Variants in MANBAL observed in about 807,000 individuals in gnomAD.
MANBAL encodes mannosidase beta like.
A neutral mutation model predicts 6.4 loss-of-function variants in MANBAL; 1 was observed. That is an observed-to-expected ratio of 0.16 (90% confidence interval 0.06 to 0.74). MANBAL has a LOEUF of 0.74. Ranked by LOEUF, MANBAL falls within the 30% of genes least tolerant of loss-of-function variation. The pLI, the probability that MANBAL is intolerant of heterozygous loss-of-function variation, is 0.78. For missense variants in MANBAL, 100 were observed against 107.8 expected (o/e 0.93, Z 0.32); for synonymous variants, 47 against 45.8 (o/e 1.03, Z -0.10).
At chr20:37,305,927 T>C (rs1201023620) in intron 2 of MANBAL, among the ~76,000 whole-genome samples, 1 of 152,146 alleles carries the variant, frequency 6.6e-6, no homozygotes, top group East Asian at 1.9e-4. Context: ...GCTGAGACTG[T>C]GCTGCTTAGA....
At chr20:37,293,742 G>T (rs574355888) in intron 1 of MANBAL, among the ~76,000 whole-genome samples, 1 of 152,126 alleles carries the variant, frequency 6.6e-6, no homozygotes, top group African/African-American at 2.4e-5. Context: ...TTGCTCCCCC[G>T]ATCCCCTGTG....
chr20:37,316,722 A>G lies in MANBAL; in HGVS notation c.*307A>G, dbSNP rs1371969029. 8.3e-6 allele frequency: 2 copies of G among 240,270 alleles called. No homozygotes were observed. Among genetic ancestry groups the G allele is most frequent in the South Asian group, 5.8e-5 (1 of 17,288 alleles). 14.9% of individuals were successfully genotyped at this position (240,270 alleles called of 1,614,324 possible). ...CAGAGTCACATTTTCTTGCTTAGTC[A>G]TGTGTCCCTCCTTGAGTTGCCCCCT... On this transcript the variant is annotated 3_prime_UTR_variant, in exon 3 of 3. Transcript: ENST00000373606.
chr20:37,295,040 G>T (rs1003066300), intron 1 of MANBAL, among the ~76,000 whole-genome samples: 1 of 152,204 alleles, frequency 6.6e-6, no homozygotes, highest in African/African-American at 2.4e-5. Flanking sequence ...ACCTCTACCT[G>T]TAAGCAAGTC....
At chr20:37,296,780 A>C (rs551603337) in intron 1 of MANBAL, 1 of 152,300 alleles carries the variant, frequency 6.6e-6, no homozygotes, top group East Asian at 1.9e-4. Context: ...TTTTTTAAAA[A>C]AAGGCCTAAA....
chr20:37,301,235 G>A lies in MANBAL; in HGVS notation c.-29G>A, dbSNP rs749674918. 1.9e-6 allele frequency: 3 copies of A among 1,557,716 alleles called. No homozygotes were observed. The highest frequency in any genetic ancestry group is 2.6e-6 in the Non-Finnish European group (3 of 1,147,608). On this transcript the variant is annotated 5_prime_UTR_variant, in exon 2 of 3. Coordinates refer to ENST00000373606, the MANE Select transcript of MANBAL (RefSeq NM_001003897.2). Reference sequence around the variant, plus strand: ...GGTTCTAAAGAGTGGTGAGTCAGAAGAGACGTCAGGCAGCAAGCGACTTGG... The same window carrying A: ...GGTTCTAAAGAGTGGTGAGTCAGAAAAGACGTCAGGCAGCAAGCGACTTGG...
intron 1 of MANBAL, among the ~76,000 whole-genome samples, chr20:37,292,705 G>A (rs1381661148): frequency 6.6e-6 from 1 of 152,220 alleles, no homozygotes; most frequent in Non-Finnish European, 1.5e-5. Flanking sequence ...GCCATTGGGA[G>A]CTCTTCCACT....
intron 2 of MANBAL, among the ~76,000 whole-genome samples, chr20:37,315,463 GC>G (rs2146837622): frequency 6.6e-6 from 1 of 152,310 alleles, no homozygotes; most frequent in East Asian, 1.9e-4. Context: ...GCTGGGCCAA[GC>G]TGTGTCCCTT....
intron 2 of MANBAL, among the ~76,000 whole-genome samples, chr20:37,314,852 C>T (rs768007785): frequency 6.6e-6 from 1 of 152,138 alleles, no homozygotes; most frequent in Non-Finnish European, 1.5e-5. Context: ...CTGCATGGGC[C>T]CTCCTCTTCT....
chr20:37,296,805 C>T (rs1020329657), intron 1 of MANBAL: 16 of 152,090 alleles, frequency 1.1e-4, no homozygotes, highest in African/African-American at 3.9e-4. Context: ...TTATAGGTAT[C>T]ATTGTTGCTT....
chr20:37,301,259 G>A lies in MANBAL; in HGVS notation c.-5G>A. ...AGAGACGTCAGGCAGCAAGCGACTT[G>A]GGCCATGGCCTCTGACCTAGACTTC... On this transcript the variant is annotated 5_prime_UTR_variant, in exon 2 of 3. Transcript: ENST00000373606. The A allele has an allele frequency of 6.3e-7, 1 of 1,587,088 alleles. No individual in the cohort carries two copies. The highest frequency in any genetic ancestry group is 8.6e-7 in the Non-Finnish European group (1 of 1,164,220).
chr20:37,308,501 G>C (rs918591896), intron 2 of MANBAL, among the ~76,000 whole-genome samples: 1 of 152,184 alleles, frequency 6.6e-6, no homozygotes, highest in Non-Finnish European at 1.5e-5. Context: ...GTAGAAGAAA[G>C]TTCTCAATAG....
At chr20:37,302,220 A>T in intron 2 of MANBAL, 1 of 1,549,342 alleles carries the variant, frequency 6.5e-7, no homozygotes, top group Non-Finnish European at 8.7e-7. Flanking sequence ...GGAATTGGCT[A>T]TTGCTTCTCT....
rs376483114 is a variant in MANBAL at position 37,303,918 on chromosome 20, T to TG, written c.150+2507dup. Among the ~76,000 whole-genome samples the TG allele has an allele frequency of 2.4e-3, 361 of 152,274 alleles. 3 individuals are homozygous for TG. The highest frequency in any genetic ancestry group is 8.3e-3 in the African/African-American group (347 of 41,560). On this transcript the variant is annotated intron_variant, in intron 2 of 2. Transcript: ENST00000373606. ...CCTTATTGTTTACACAGTATAGGCG[T>TG]GGTGAGCCACTCTTATCATTTCTGG...
At chr20:37,295,770 G>C (rs528459575) in intron 1 of MANBAL, among the ~76,000 whole-genome samples, 4 of 152,182 alleles carry the variant, frequency 2.6e-5, no homozygotes, top group African/African-American at 9.7e-5. Context: ...AGTGCTGTTC[G>C]CAACACCTGG....
At chr20:37,289,807 C>T (rs1387075247) in intron 1 of MANBAL, 121 bp downstream of exon 1, 2 of 152,282 alleles carry the variant, frequency 1.3e-5, no homozygotes, top group Non-Finnish European at 2.9e-5. Flanking sequence ...GGCTGTCGCT[C>T]CGCTCAGGGC....
chr20:37,300,950 G>A (rs994743296), intron 1 of MANBAL, among the ~76,000 whole-genome samples: 2 of 151,858 alleles, frequency 1.3e-5, no homozygotes, highest in African/African-American at 4.8e-5. Flanking sequence ...CAAGACCAGC[G>A]TGGCCAACGT....
intron 1 of MANBAL, chr20:37,297,646 C>CTT (rs981790798): frequency 1.4e-4 from 21 of 145,460 alleles, no homozygotes; most frequent in African/African-American, 3.8e-4. Flanking sequence ...GGCGGCAGGC[C>CTT]TTTTTTTTTT....
At chr20:37,303,203 G>A (rs1006832662) in intron 2 of MANBAL, among the ~76,000 whole-genome samples, 1 of 152,158 alleles carries the variant, frequency 6.6e-6, no homozygotes, top group Non-Finnish European at 1.5e-5. Context: ...GAGCCACTGC[G>A]CCTGGCCCCA....
intron 1 of MANBAL, among the ~76,000 whole-genome samples, chr20:37,295,247 C>T (rs2068967314): frequency 6.6e-6 from 1 of 152,068 alleles, no homozygotes; most frequent in African/African-American, 2.4e-5. Context: ...TGAGTCAGGA[C>T]CTGGAATAAA....
Sources: allele counts gnomAD v4.1 joint callset (sites outside exome capture counted in the v4.1 genomes callset), GRCh38; gene constraint gnomAD v4.1.1; transcripts MANE v1.5; gene names NCBI Gene and HGNC (gene_info 2026-07-23, HGNC 2026-07-21).